NAALADL2: variants seen among roughly 807,000 people sequenced by gnomAD.
NAALADL2 encodes N-acetylated alpha-linked acidic dipeptidase like 2, also known as inactive N-acetylated-alpha-linked acidic dipeptidase-like protein 2.
Under a neutral mutation model 87.2 loss-of-function variants are expected in NAALADL2, and 76 were observed. The observed-to-expected ratio is 0.87, with a 90% CI of 0.72 to 1.05. The LOEUF (loss-of-function observed/expected upper bound fraction) is 1.05, where lower values mean the gene tolerates loss of function less well. Ranked by LOEUF, NAALADL2 falls within the 50% of genes least tolerant of loss-of-function variation. The pLI is 0.00. For missense variants in NAALADL2, 1,089 were observed against 945.8 expected (o/e 1.15, Z -1.99); for synonymous variants, 354 against 331.0 (o/e 1.07, Z -0.75).
At chr3:174,605,128 T>C (rs1718866979) in intron 2 of NAALADL2, among the ~76,000 whole-genome samples, 4 of 152,144 alleles carry the variant, frequency 2.6e-5, no homozygotes, top group Admixed American at 1.3e-4. Context: ...TAAAGCTGAT[T>C]ACAACATAAC....
chr3:174,642,749 C>T (rs1723352681), intron 2 of NAALADL2, among the ~76,000 whole-genome samples: 2 of 130,238 alleles, frequency 1.5e-5, no homozygotes, highest in African/African-American at 3.0e-5. Context: ...TGAAAAAAAA[C>T]ATATATATAT....
intron 1 of NAALADL2, among the ~76,000 whole-genome samples, chr3:174,524,460 T>C (rs1720544110): frequency 1.3e-5 from 2 of 152,130 alleles, no homozygotes; most frequent in Non-Finnish European, 2.9e-5. Flanking sequence ...GGCAGGAAGC[T>C]CTATGAATTC....
chr3:175,465,931 T>G lies in NAALADL2; in HGVS notation c.1328-1048T>G, dbSNP rs532403196. Among the ~76,000 whole-genome samples, 4 of 152,336 alleles carry G rather than the reference T, an allele frequency of 2.6e-5. No homozygotes were observed. The East Asian group carries it at 5.8e-4, about 22-fold the overall frequency. On this transcript the variant is annotated intron_variant, in intron 7 of 13. Coordinates refer to ENST00000454872, the MANE Select transcript of NAALADL2 (RefSeq NM_207015.3). ...ACCCATGTGTAAGACCTACTTTGTGTTGAGCATTGTTCAAAGTGGCTTACA... is the reference window on the plus strand; with the variant it reads ...ACCCATGTGTAAGACCTACTTTGTGGTGAGCATTGTTCAAAGTGGCTTACA...
chr3:174,814,948 C>T (rs1019267330), intron 3 of NAALADL2, among the ~76,000 whole-genome samples: 4 of 152,210 alleles, frequency 2.6e-5, no homozygotes, highest in Admixed American at 6.5e-5. Flanking sequence ...AATACTTACC[C>T]GGGCCAAAAC....
intron 3 of NAALADL2, among the ~76,000 whole-genome samples, chr3:174,802,234 T>A (rs1718931828): frequency 6.6e-6 from 1 of 152,112 alleles, no homozygotes; most frequent in Non-Finnish European, 1.5e-5. Flanking sequence ...AAAACCAGCA[T>A]GATTTCTGAT....
intron 1 of NAALADL2, among the ~76,000 whole-genome samples, chr3:174,940,096 A>C (rs1403672019): frequency 6.6e-6 from 1 of 152,020 alleles, no homozygotes; most frequent in Non-Finnish European, 1.5e-5. Context: ...TTTCAAGAGG[A>C]ATGGGGAATA....
At chr3:174,901,727 G>A (rs187939442) in intron 1 of NAALADL2, among the ~76,000 whole-genome samples, 2 of 152,264 alleles carry the variant, frequency 1.3e-5, no homozygotes, top group Non-Finnish European at 2.9e-5. Context: ...GGAGGTTATG[G>A]ATGGTGAGTG....
chr3:175,797,304 C>A (rs1192636855), intron 13 of NAALADL2, among the ~76,000 whole-genome samples: 1 of 152,060 alleles, frequency 6.6e-6, no homozygotes, highest in Non-Finnish European at 1.5e-5. Flanking sequence ...ATGATAACTA[C>A]TAAAATGATT....
At chr3:174,529,200 CAG>C (rs1449925886) in intron 1 of NAALADL2, among the ~76,000 whole-genome samples, 2 of 152,198 alleles carry the variant, frequency 1.3e-5, no homozygotes, top group South Asian at 2.1e-4. Context: ...CTGTCCAAAA[CAG>C]AGGGGCTACA....
chr3:175,508,202 T>G (rs1212349548), intron 9 of NAALADL2, among the ~76,000 whole-genome samples: 3 of 152,214 alleles, frequency 2.0e-5, no homozygotes, highest in Non-Finnish European at 4.4e-5. Flanking sequence ...ATGAGGGATC[T>G]GCCGCCATGA....
At chr3:175,045,990 C>T (rs907979619) in intron 1 of NAALADL2, among the ~76,000 whole-genome samples, 14 of 150,696 alleles carry the variant, frequency 9.3e-5, no homozygotes, top group African/African-American at 2.5e-4. Flanking sequence ...ACCTCCTAAC[C>T]GTTAATATGT....
intron 2 of NAALADL2, among the ~76,000 whole-genome samples, chr3:175,152,665 G>A (rs1407679589): frequency 6.6e-6 from 1 of 152,112 alleles, no homozygotes; most frequent in Non-Finnish European, 1.5e-5. Flanking sequence ...CAGCACTTTG[G>A]GATGTCGAGG....
At chr3:174,788,934 A>T (rs537615520) in intron 3 of NAALADL2, among the ~76,000 whole-genome samples, 3 of 152,264 alleles carry the variant, frequency 2.0e-5, no homozygotes, top group East Asian at 3.9e-4. Context: ...AAAAGTAACC[A>T]TGCTCTTGTT....
intron 1 of NAALADL2, among the ~76,000 whole-genome samples, chr3:174,918,086 A>G (rs941065396): frequency 1.3e-5 from 2 of 152,156 alleles, no homozygotes; most frequent in Non-Finnish European, 1.5e-5. Context: ...ACTATGTAGC[A>G]TATTTGATTC....
chr3:175,187,415 A>G (rs1351728979), intron 2 of NAALADL2, among the ~76,000 whole-genome samples: 1 of 152,098 alleles, frequency 6.6e-6, no homozygotes, highest in African/African-American at 2.4e-5. Flanking sequence ...TTTTAGTTTT[A>G]TGATGTTTTC....
At position 175,246,788 on chromosome 3, in the gene NAALADL2, C is replaced by G. The variant is rs77427729; in HGVS notation, c.820-9623C>G. On this transcript the variant is annotated intron_variant, in intron 3 of 13. Coordinates refer to ENST00000454872, the MANE Select transcript of NAALADL2 (RefSeq NM_207015.3). ...TTTCCAAAATCTTGTACTCCTGAAG[C>G]AAACACCTAGCTTACTTGGTGATGT... Among the ~76,000 whole-genome samples the G allele has an allele frequency of 3.5e-4, 54 of 152,226 alleles. 1 individual carries two copies. In the East Asian group the frequency reaches 0.01, roughly 29 times the overall value.
At chr3:174,529,387 A>G (rs1721042614) in intron 1 of NAALADL2, among the ~76,000 whole-genome samples, 1 of 152,102 alleles carries the variant, frequency 6.6e-6, no homozygotes, top group South Asian at 2.1e-4. Flanking sequence ...TGCTGCTTTC[A>G]TGGACTTGCT....
intron 1 of NAALADL2, among the ~76,000 whole-genome samples, chr3:174,872,484 CAAATTT>C (rs1454012994): frequency 2.6e-5 from 4 of 152,120 alleles, no homozygotes; most frequent in African/African-American, 9.7e-5. Flanking sequence ...GTTGAGAACT[CAAATTT>C]AAAGCATTTC....
At chr3:174,656,261 G>A (rs903802039) in intron 2 of NAALADL2, among the ~76,000 whole-genome samples, 4 of 152,102 alleles carry the variant, frequency 2.6e-5, no homozygotes, top group East Asian at 1.9e-4. Context: ...TAAGATTTCC[G>A]CAAAAGAATT....
Sources: gnomAD v4.1 joint callset for allele counts (sites outside exome capture counted in the v4.1 genomes callset) on GRCh38, gnomAD v4.1.1 for gene constraint, MANE v1.5 for transcripts, NCBI Gene and HGNC (gene_info 2026-07-23, HGNC 2026-07-21) for gene names.